The following FBRS variants were observed in gnomAD, a reference collection of about 807,000 sequenced individuals.
The protein encoded by FBRS is fibrosin.
A neutral mutation model predicts 86.1 loss-of-function variants in FBRS; 15 were observed. The ratio of observed to expected loss-of-function variants is 0.17; its 90% confidence interval spans 0.12 to 0.27. The LOEUF is 0.27. FBRS is among the 10% of genes least tolerant of loss of function. The pLI is 1.00. For synonymous variants in FBRS, 666 were observed against 575.8 expected (o/e 1.16, Z -2.24); for missense variants, 1,367 against 1,301.6 (o/e 1.05, Z -0.77).
chr16:30,669,660 G>GT lies in FBRS; in HGVS notation c.*15_*16insT, dbSNP rs1242506764. 1 of 1,576,696 alleles carries GT rather than the reference G, an allele frequency of 6.3e-7. No individual in the cohort carries two copies. The highest frequency in any genetic ancestry group is 1.4e-5 in the African/African-American group (1 of 73,744). On this transcript the variant is annotated 3_prime_UTR_variant, in exon 18 of 18. Coordinates refer to ENST00000356166, the MANE Select transcript of FBRS (RefSeq NM_001105079.3). The surrounding 1 kb of genome is among the most constrained non-coding windows in gnomAD (Gnocchi z 5.9). ...CTGACAGGTGAGGGGAACGGGGGGG[G>GT]GTCGGGGCAAAGCTCCATCTCCCCT...
At position 30,664,902 on chromosome 16, in the gene FBRS, A is replaced by G; in HGVS notation, c.1545A>G (p.Pro515=). The change falls in exon 8 of 18, where the codon CCA becomes CCG. Residue 515 remains proline, a synonymous_variant. Transcript: ENST00000356166. ...CCCCTTATCCCCCGGGCCTGCTGCC[A>G]CCCCACGGCCCCCACATGGTGAGCT... is the stretch of plus-strand genomic sequence containing the variant. ...HFTPYPPGLL[P]PHGPHMFEKY... 2 of 1,609,970 alleles carry G rather than the reference A, an allele frequency of 1.2e-6. No homozygotes were observed. The highest frequency in any genetic ancestry group is 1.7e-6 in the Non-Finnish European group (2 of 1,178,172).
chr16:30,668,683 A>G (rs1392285809), intron 16 of FBRS, 40 bp downstream of exon 16: 1 of 1,587,792 alleles, frequency 6.3e-7, no homozygotes. Flanking sequence ...CTGCGGCCAC[A>G]GGGTGAGAGC....
rs371557670 is a variant in FBRS at position 30,668,700 on chromosome 16, G to A, written c.2158+57G>A. 179 of 1,584,684 alleles carry A rather than the reference G, an allele frequency of 1.1e-4. No individual in the cohort carries two copies. The African/African-American group carries it at 1.6e-3, about 14-fold the overall frequency. On this transcript the variant is annotated intron_variant, in intron 16 of 17. Coordinates refer to ENST00000356166, the MANE Select transcript of FBRS (RefSeq NM_001105079.3). The stretch of plus-strand genomic sequence containing the variant: ...GCGGCCACAGGGTGAGAGCTCAGAC[G>A]GTCTGGGAGGAGGCCTGAACAGGGC...
intron 4 of FBRS, 155 bp from the exon 5 acceptor site, chr16:30,662,265 C>G (rs770882461): frequency 1.7e-6 from 2 of 1,187,442 alleles, no homozygotes; most frequent in Admixed American, 4.7e-5. Flanking sequence ...AGCTCAGCCC[C>G]CTAGAGCCCA....
intron 6 of FBRS, 124 bp from the exon 7 acceptor site, chr16:30,664,091 G>A: frequency 8.5e-7 from 1 of 1,171,222 alleles, no homozygotes. Context: ...GCGGTCCTGG[G>A]GCTGGGTTCT....
chr16:30,664,993 G>A (rs752443375), intron 8 of FBRS, 42 bp from the exon 9 acceptor site: 31 of 1,609,880 alleles, frequency 1.9e-5, no homozygotes, highest in East Asian at 4.5e-5. Flanking sequence ...GGGAAGGCCC[G>A]GGTCCCTGGC....
Position 30,668,969 on chromosome 16 carries a change from G to T in FBRS, c.2356G>T (p.Glu786Ter). 1 of 1,579,276 alleles carries T rather than the reference G, an allele frequency of 6.3e-7. No individual in the cohort carries two copies. Among genetic ancestry groups the T allele is most frequent in the East Asian group, 2.3e-5 (1 of 43,408 alleles). ...ERREPSITKE[E>*]KDRDLPFSRP... ...GAGGGAGCCCTCCATCACCAAGGAG[G>T]AGAAGGACAGGTGTGCCTCCCACCC... Residue 786 changes from glutamate to a stop codon, truncating the protein, a stop_gained, in exon 17 of 18, where the codon GAG becomes TAG. Coordinates refer to ENST00000356166, the MANE Select transcript of FBRS (RefSeq NM_001105079.3). LOFTEE classifies it high-confidence loss of function.
chr16:30,660,049 G>C (rs2052438086), intron 1 of FBRS, 72 bp downstream of exon 1: 1 of 1,503,684 alleles, frequency 6.7e-7, no homozygotes, highest in Non-Finnish European at 8.9e-7. Context: ...TGCCCCTAGT[G>C]GGTGGAGTTG....
chr16:30,667,468 G>A (rs376786476), intron 14 of FBRS, 31 bp downstream of exon 14: 64 of 1,520,928 alleles, frequency 4.2e-5, no homozygotes, highest in Non-Finnish European at 5.4e-5. Context: ...CGGGCCTGAG[G>A]TTCCCTGTCT....
intron 4 of FBRS, among the ~76,000 whole-genome samples, chr16:30,661,569 T>C (rs964490001): frequency 6.6e-6 from 1 of 152,134 alleles, no homozygotes; most frequent in Non-Finnish European, 1.5e-5. Flanking sequence ...TGCTTTGGCA[T>C]ACTATCCTTT....
At position 30,669,119 on chromosome 16, in the gene FBRS, A is replaced by T; in HGVS notation, c.2417A>T (p.Lys806Met). The T allele has an allele frequency of 6.3e-7, 1 of 1,590,580 alleles. No individual in the cohort carries two copies. The highest frequency in any genetic ancestry group is 8.6e-7 in the Non-Finnish European group (1 of 1,169,560). Residue 806 changes from lysine (K) to methionine (M), a missense_variant, in exon 18 of 18, where the codon AAG (lysine) becomes ATG (methionine). By Grantham distance (95) the Lys-to-Met change is moderately conservative. This residue lies in a region of FBRS where 659 missense variants were observed against 678.8 expected (regional missense o/e 0.97). Transcript: ENST00000356166. This position sits in a 1 kb window ranked among gnomAD's most constrained non-coding sequence, Gnocchi z 5.9. Reference protein sequence around the residue: ...PQLRVSPATPKARAGEEGPRP... With the variant: ...PQLRVSPATPMARAGEEGPRP... ...CTCCGAGTTTCTCCTGCTACTCCCA[A>T]GGCCCGGGCTGGTGAGGAGGGGCCT...
At position 30,662,795 on chromosome 16, in the gene FBRS, C is replaced by T. The variant is rs1221967394; in HGVS notation, c.991C>T (p.Arg331Trp). The stretch of plus-strand genomic sequence containing the variant: ...CCCACCCCAGCCCCAGCTGCAGCTT[C>T]GGGTCTCACCCTTCGGCCTCCGCAC... ...PPPPQPQLQL[R>W]VSPFGLRTSP... Residue 331 changes from arginine (R) to tryptophan (W), a missense_variant, in exon 6 of 18, where the codon CGG (arginine) becomes TGG (tryptophan). Around this residue, in one of 3 missense-constraint regions of FBRS, gnomAD observed 702 missense variants for 598.7 expected, o/e 1.17. Coordinates refer to ENST00000356166, the MANE Select transcript of FBRS (RefSeq NM_001105079.3). 42 of 1,491,376 alleles carry T rather than the reference C, an allele frequency of 2.8e-5. No homozygotes were observed. The highest frequency in any genetic ancestry group is 3.5e-5 in the Non-Finnish European group (39 of 1,115,532). 92.4% of individuals were successfully genotyped at this position (1,491,376 alleles called of 1,614,324 possible).
chr16:30,663,457 C>G (rs71389475), intron 6 of FBRS, among the ~76,000 whole-genome samples: 1 of 151,546 alleles, frequency 6.6e-6, no homozygotes, highest in Non-Finnish European at 1.5e-5. Flanking sequence ...CTTTAGAAAG[C>G]TGAGTGTCAT....
At chr16:30,668,665 T>TCGGGGGG in intron 16 of FBRS, 22 bp downstream of exon 16, 1 of 1,456,698 alleles carries the variant, frequency 6.9e-7, no homozygotes. Flanking sequence ...TGCGGTGGGG[T>TCGGGGGG]GGGGGGGCTG....
rs1325194067 is a variant in FBRS, at chr16:30,665,078, A to T, written c.1607A>T (p.Asn536Ile). 1 of 1,613,070 alleles carries T rather than the reference A, an allele frequency of 6.2e-7. No individual in the cohort carries two copies. Among genetic ancestry groups the T allele is most frequent in the South Asian group, 1.1e-5 (1 of 91,028 alleles). ...PGKMEGLFRH[N>I]PYTAFPPAVP... ...AAGATGGAAGGCCTTTTCCGACATAATGTGAGTGTGTGTGTGCGTGTGCGT... is the reference window on the plus strand; with the variant it reads ...AAGATGGAAGGCCTTTTCCGACATATTGTGAGTGTGTGTGTGCGTGTGCGT... Residue 536 changes from asparagine to isoleucine, a missense_variant and splice_region_variant, in exon 9 of 18, where the codon AAT (asparagine) becomes ATT (isoleucine). This residue lies in a region of FBRS where 659 missense variants were observed against 678.8 expected (regional missense o/e 0.97). Coordinates refer to ENST00000356166, the MANE Select transcript of FBRS (RefSeq NM_001105079.3). The surrounding 1 kb of genome is among the most constrained non-coding windows in gnomAD (Gnocchi z 4.1).
rs769506808 is a variant in FBRS at position 30,664,406 on chromosome 16, C to G, written c.1247C>G (p.Pro416Arg). The change falls in exon 7 of 18, where the codon CCA (proline) becomes CGA (arginine). Residue 416 changes from proline to arginine, a missense_variant. Pro to Arg is a moderately radical substitution (Grantham distance 103). Coordinates refer to ENST00000356166, the MANE Select transcript of FBRS (RefSeq NM_001105079.3). ...CCCCCTCCCGGGCTGCGGCCCCCCC[C>G]ACCACCCCACCACCCCTCCTTGTTC... is the stretch of plus-strand genomic sequence containing the variant. ...SFPPPGLRPP[P>R]PPHHPSLFSP... 1.5e-6 allele frequency: 2 copies of G among 1,376,350 alleles called. No individual in the cohort carries two copies. Among genetic ancestry groups the G allele is most frequent in the Non-Finnish European group, 9.7e-7 (1 of 1,027,128 alleles). 85.3% of individuals were successfully genotyped at this position (1,376,350 alleles called of 1,614,324 possible).
Position 30,659,745 on chromosome 16 carries a change from C to T in FBRS, c.227C>T (p.Pro76Leu), listed in dbSNP as rs1357186941. The T allele has an allele frequency of 4.4e-6, 6 of 1,360,466 alleles. No homozygotes were observed. Among genetic ancestry groups the T allele is most frequent in the South Asian group, 4.0e-5 (3 of 74,828 alleles). The allele number at this position is 1,360,466 out of a possible 1,614,324, so 84.3% of individuals were successfully genotyped here. The stretch of plus-strand genomic sequence containing the variant: ...TCGTCAGCTTCGTCTGGAGAGCGGC[C>T]TGGGGGCCCGAGACGCCGGCGGCCC... ...PWSSASSGER[P>L]GGPRRRRPRP... The change falls in exon 1 of 18, where the codon CCT becomes CTT. Residue 76 changes from proline (P) to leucine (L), a missense_variant. Physicochemically the swap from Pro to Leu is moderately conservative, Grantham distance 98 (BLOSUM62 -3). Coordinates refer to ENST00000356166, the MANE Select transcript of FBRS (RefSeq NM_001105079.3).
chr16:30,668,665 T>TGGGGGGGGGGGGG, intron 16 of FBRS, 22 bp downstream of exon 16: 2 of 1,456,698 alleles, frequency 1.4e-6, no homozygotes, highest in Non-Finnish European at 1.9e-6. Flanking sequence ...TGCGGTGGGG[T>TGGGGGGGGGGGGG]GGGGGGGCTG....
chr16:30,669,099 A>G lies in FBRS; in HGVS notation c.2397A>G (p.Arg799=). Residue 799 remains arginine, a synonymous_variant, in exon 18 of 18, where the codon CGA becomes CGG. Transcript: ENST00000356166. The surrounding 1 kb of genome is among the most constrained non-coding windows in gnomAD (Gnocchi z 5.9). Reference sequence around the variant, plus strand: ...TCCCCTTCTCACGGCCCCAGCTCCGAGTTTCTCCTGCTACTCCCAAGGCCC... The same window carrying G: ...TCCCCTTCTCACGGCCCCAGCTCCGGGTTTCTCCTGCTACTCCCAAGGCCC... The part of the protein sequence containing the change: ...RDLPFSRPQL[R]VSPATPKARA... The G allele has an allele frequency of 1.3e-6, 2 of 1,596,816 alleles. No homozygotes were observed. The highest frequency in any genetic ancestry group is 2.3e-5 in the East Asian group (1 of 43,996).
Sources: gnomAD v4.1 joint callset for allele counts (sites outside exome capture counted in the v4.1 genomes callset) on GRCh38, gnomAD v4.1.1 for gene constraint, gnomAD v4.1.1 regional missense constraint, Gnocchi (gnomAD v3.1) non-coding constraint, MANE v1.5 for transcripts, NCBI Gene and HGNC (gene_info 2026-07-23, HGNC 2026-07-21) for gene names.